The following ITPR2 variants were observed in gnomAD, a reference collection of about 807,000 sequenced individuals.
ITPR2 encodes inositol 1,4,5-trisphosphate receptor type 2, also known as inositol 1,4,5-trisphosphate-gated calcium channel ITPR2.
A neutral mutation model predicts 317.1 loss-of-function variants in ITPR2; 207 were observed. The observed-to-expected ratio is 0.65, with a 90% CI of 0.58 to 0.73. ITPR2 has a LOEUF of 0.73. Among genes scored for constraint, ITPR2 ranks in the 30% least tolerant of loss-of-function variants. The pLI, the probability that ITPR2 is intolerant of heterozygous loss-of-function variation, is 0.00. For missense variants in ITPR2, 2,613 were observed against 3,284.0 expected (o/e 0.80, Z 4.99); for synonymous variants, 1,156 against 1,149.1 (o/e 1.01, Z -0.12).
chr12:26,817,106 G>A (rs1012431414), intron 1 of ITPR2, among the ~76,000 whole-genome samples: 2 of 150,450 alleles, frequency 1.3e-5, no homozygotes, highest in Non-Finnish European at 3.0e-5. Context: ...ACTTGAACCC[G>A]GGAGGCAGAG....
intron 37 of ITPR2, among the ~76,000 whole-genome samples, chr12:26,505,079 T>C (rs1943155036): frequency 6.6e-6 from 1 of 152,162 alleles, no homozygotes; most frequent in South Asian, 2.1e-4. Flanking sequence ...CATTCTTCAT[T>C]TGGCTGAGGT....
intron 26 of ITPR2, among the ~76,000 whole-genome samples, chr12:26,605,098 A>ATAAAT (rs755669853): frequency 0.067 from 7,207 of 107,154 alleles, 364 homozygotes; most frequent in Non-Finnish European, 0.1. Flanking sequence ...AAAAAAAAAA[A>ATAAAT]AAATAAAAAT....
intron 54 of ITPR2, among the ~76,000 whole-genome samples, chr12:26,390,094 A>C (rs1939785911): frequency 1.3e-5 from 2 of 152,220 alleles, no homozygotes; most frequent in Admixed American, 1.3e-4. Flanking sequence ...CTATAACCAA[A>C]ACCAGATAAT....
chr12:26,487,557 C>A (rs988527664), intron 39 of ITPR2, among the ~76,000 whole-genome samples: 2 of 152,088 alleles, frequency 1.3e-5, no homozygotes, highest in African/African-American at 4.8e-5. Flanking sequence ...GGAAAGAATT[C>A]TTTGATTTTT....
chr12:26,369,153 G>A (rs1403208219), intron 55 of ITPR2, among the ~76,000 whole-genome samples: 1 of 152,216 alleles, frequency 6.6e-6, no homozygotes, highest in Non-Finnish European at 1.5e-5. Context: ...TGAATGGGAG[G>A]AAAGGGCAGA....
At chr12:26,760,341 A>G (rs895404084) in intron 2 of ITPR2, among the ~76,000 whole-genome samples, 2 of 152,230 alleles carry the variant, frequency 1.3e-5, no homozygotes, top group Non-Finnish European at 2.9e-5. Context: ...TAGTTACTTT[A>G]CAAAAATTAT....
chr12:26,592,076 G>T (rs1454156923), intron 32 of ITPR2, among the ~76,000 whole-genome samples: 2 of 152,154 alleles, frequency 1.3e-5, no homozygotes, highest in Non-Finnish European at 2.9e-5. Context: ...CAGTAAAAAA[G>T]AATGTGATCC....
chr12:26,784,727 C>T (rs1234996577), intron 2 of ITPR2, among the ~76,000 whole-genome samples: 1 of 151,398 alleles, frequency 6.6e-6, no homozygotes, highest in African/African-American at 2.4e-5. Flanking sequence ...CTTGGCCCCC[C>T]AAAGTGCCGA....
chr12:26,385,196 C>T (rs938071629), intron 55 of ITPR2, among the ~76,000 whole-genome samples: 1 of 152,172 alleles, frequency 6.6e-6, no homozygotes, highest in Non-Finnish European at 1.5e-5. Context: ...GTTTGATACT[C>T]CTGGCTCCAA....
chr12:26,457,530 G>C (rs1040043713), intron 45 of ITPR2, among the ~76,000 whole-genome samples: 1 of 152,196 alleles, frequency 6.6e-6, no homozygotes, highest in Non-Finnish European at 1.5e-5. Flanking sequence ...CTGTGTTAGA[G>C]AACACTCTAC....
At chr12:26,498,841 T>C (rs917534233) in intron 37 of ITPR2, among the ~76,000 whole-genome samples, 1 of 152,194 alleles carries the variant, frequency 6.6e-6, no homozygotes, top group Non-Finnish European at 1.5e-5. Context: ...TATTATTATT[T>C]CTATTATTAT....
intron 1 of ITPR2, among the ~76,000 whole-genome samples, chr12:26,803,894 A>T (rs1284596915): frequency 6.6e-6 from 1 of 152,200 alleles, no homozygotes; most frequent in Non-Finnish European, 1.5e-5. Context: ...CACAATCATT[A>T]CAGCATGAGA....
chr12:26,564,655 C>T (rs955668233), intron 34 of ITPR2, among the ~76,000 whole-genome samples: 15 of 152,128 alleles, frequency 9.9e-5, no homozygotes, highest in Non-Finnish European at 2.2e-4. Context: ...ACCTGAGGGA[C>T]ACACACGATG....
At chr12:26,405,265 A>G (rs1393390037) in intron 52 of ITPR2, among the ~76,000 whole-genome samples, 1 of 152,242 alleles carries the variant, frequency 6.6e-6, no homozygotes, top group African/African-American at 2.4e-5. Context: ...AACTAAATAT[A>G]TACCTATGAA....
At chr12:26,435,685 C>A (rs1319604045) in intron 48 of ITPR2, among the ~76,000 whole-genome samples, 1 of 152,048 alleles carries the variant, frequency 6.6e-6, no homozygotes, top group Non-Finnish European at 1.5e-5. Context: ...ATTCAGTATC[C>A]TTTATTTCCT....
chr12:26,563,493 C>T (rs1317163330), intron 34 of ITPR2, among the ~76,000 whole-genome samples: 3 of 152,030 alleles, frequency 2.0e-5, no homozygotes, highest in Admixed American at 2.0e-4. Flanking sequence ...TCGCTTGAAC[C>T]CAGTAGGCAG....
chr12:26,659,046 G>T, intron 16 of ITPR2, 67 bp downstream of exon 16: 3 of 1,320,788 alleles, frequency 2.3e-6, no homozygotes, highest in Non-Finnish European at 3.2e-6. Flanking sequence ...ACTTTTAAAA[G>T]TTCTAAAAAT....
rs760037118 is a variant in ITPR2 at position 26,494,204 on chromosome 12, T to C, written c.5319A>G (p.Glu1773=). 9.9e-6 allele frequency: 16 copies of C among 1,613,214 alleles called. No homozygotes were observed. The highest frequency in any genetic ancestry group is 9.9e-5 in the South Asian group (9 of 90,976). ...VNTKNDRIFS[E]GIFLGIALLE... ...GCAAGGCAATGCCGAGGAAAATGCCTTCTGAAAAAATTCTGTCATTTTTGG... is the reference window on the plus strand; with the variant it reads ...GCAAGGCAATGCCGAGGAAAATGCCCTCTGAAAAAATTCTGTCATTTTTGG... Residue 1773 remains glutamate (E), a synonymous_variant, in exon 39 of 57, where the codon GAA becomes GAG. Coordinates refer to ENST00000381340, the MANE Select transcript of ITPR2 (RefSeq NM_002223.4).
At chr12:26,451,671 C>T (rs887483477) in intron 45 of ITPR2, among the ~76,000 whole-genome samples, 7 of 152,186 alleles carry the variant, frequency 4.6e-5, no homozygotes, top group African/African-American at 1.4e-4. Flanking sequence ...ATGAAACAAA[C>T]TTCTCCTAAT....
Sources: gnomAD v4.1 joint callset for allele counts (sites outside exome capture counted in the v4.1 genomes callset) on GRCh38, gnomAD v4.1.1 for gene constraint, MANE v1.5 for transcripts, NCBI Gene and HGNC (gene_info 2026-07-23, HGNC 2026-07-21) for gene names.